Variants in VPS54 observed in about 807,000 individuals in gnomAD.
VPS54 encodes the protein vacuolar protein sorting-associated protein 54.
A neutral mutation model predicts 121.5 loss-of-function variants in VPS54; 45 were observed. The ratio of observed to expected loss-of-function variants is 0.37; its 90% CI spans 0.29 to 0.47. The LOEUF (loss-of-function observed/expected upper bound fraction) is 0.47, where lower values mean the gene tolerates loss of function less well. Ranked by LOEUF, VPS54 falls within the 20% of genes least tolerant of loss-of-function variation. The probability of loss-of-function intolerance (pLI) is 0.99; values close to 1 mark genes in which losing one functional copy is unlikely to be tolerated. For missense variants in VPS54, 1,090 were observed against 1,131.4 expected, an observed-to-expected ratio of 0.96 and a Z score of 0.52; for synonymous variants, 371 against 385.8, an observed-to-expected ratio of 0.96 and a Z score of 0.45.
At chr2:63,895,736 T>C (rs1273116143) in intron 22 of VPS54, among the ~76,000 whole-genome samples, 1 of 152,206 alleles carries the variant, frequency 6.6e-6, no homozygotes. Flanking sequence ...GGCTACAGGG[T>C]AGAGGTTAAT....
At chr2:64,016,155 A>T (rs1171149768) in intron 1 of VPS54, among the ~76,000 whole-genome samples, 1 of 152,174 alleles carries the variant, frequency 6.6e-6, no homozygotes, top group Non-Finnish European at 1.5e-5. Flanking sequence ...TTTCCCTGAT[A>T]TTCTAATATT....
intron 1 of VPS54, among the ~76,000 whole-genome samples, chr2:63,999,217 C>T (rs3980405): frequency 0.78 from 117,971 of 152,194 alleles, 47,157 homozygotes; most frequent in African/African-American, 0.89. Flanking sequence ...CCCAAAGTGC[C>T]AGGATTACCG....
intron 16 of VPS54, among the ~76,000 whole-genome samples, chr2:63,915,699 G>C (rs748711468): frequency 6.6e-6 from 1 of 152,170 alleles, no homozygotes; most frequent in African/African-American, 2.4e-5. Context: ...ATTACAGGAA[G>C]ACTGAAGAAA....
At chr2:63,933,525 T>C (rs1674311801) in intron 12 of VPS54, 148 bp downstream of exon 12, 1 of 696,510 alleles carries the variant, frequency 1.4e-6, no homozygotes, top group Non-Finnish European at 2.3e-6. Flanking sequence ...CATACATTTT[T>C]ATAGAGATAC....
intron 12 of VPS54, among the ~76,000 whole-genome samples, chr2:63,933,021 A>C (rs1336852447): frequency 6.6e-6 from 1 of 152,160 alleles, no homozygotes; most frequent in African/African-American, 2.4e-5. Context: ...ATATTAACAT[A>C]AGAGATAAAG....
In VPS54 at chr2:63,899,303, G is replaced by C. The variant is rs1029870244; in HGVS notation, c.2733+171C>G. 2.6e-4 allele frequency among the ~76,000 whole-genome samples: 39 copies of C among 152,208 alleles called. 1 individual carries two copies. Among genetic ancestry groups the C allele is most frequent in the Admixed American group, 2.4e-3 (36 of 15,290 alleles). On this transcript the variant is annotated intron_variant, in intron 21 of 22. Coordinates refer to ENST00000272322, the MANE Select transcript of VPS54 (RefSeq NM_016516.3). ...GGTCTGTCACTGCAAGGAGCACTTA[G>C]AAATTAGAAATTTTTATCCATGTTC...
At chr2:64,013,546 GAT>G (rs201322415) in intron 1 of VPS54, among the ~76,000 whole-genome samples, 5 of 145,492 alleles carry the variant, frequency 3.4e-5, no homozygotes, top group Admixed American at 6.9e-5. Context: ...AGTAAATGCT[GAT>G]ATATATATAT....
chr2:64,018,556 G>T (rs547007890), intron 1 of VPS54, among the ~76,000 whole-genome samples: 1 of 152,190 alleles, frequency 6.6e-6, no homozygotes, highest in East Asian at 1.9e-4. Flanking sequence ...GATTCCAGTA[G>T]AATCCAATAG....
chr2:63,898,617 C>A (rs1018194832), intron 21 of VPS54, among the ~76,000 whole-genome samples: 1 of 152,070 alleles, frequency 6.6e-6, no homozygotes, highest in Non-Finnish European at 1.5e-5. Context: ...ACCATTTCCA[C>A]GCACTCAACC....
intron 4 of VPS54, 96 bp from the exon 5 acceptor site, chr2:63,969,087 C>T (rs1444412974): frequency 4.1e-6 from 4 of 983,978 alleles, no homozygotes; most frequent in African/African-American, 1.7e-5. Flanking sequence ...TACTGGGTCA[C>T]ATCCAAATAA....
Position 63,920,029 on chromosome 2 carries a change from T to C in VPS54, c.2052-34A>G, listed in dbSNP as rs181147023. The stretch of plus-strand genomic sequence containing the variant: ...CAGTAAGGAGAAAAGAAGGTAAACT[T>C]TAACATTTCAATACCATCTTCCTTG... On this transcript the variant is annotated intron_variant, in intron 14 of 22. Coordinates refer to ENST00000272322, the MANE Select transcript of VPS54 (RefSeq NM_016516.3). The C allele has an allele frequency of 7.1e-6, 11 of 1,549,540 alleles. No individual in the cohort carries two copies. In the Admixed American group the frequency reaches 1.1e-4, roughly 15 times the overall value.
chr2:63,900,240 A>AG (rs1297845086), intron 20 of VPS54, among the ~76,000 whole-genome samples: 48 of 151,388 alleles, frequency 3.2e-4, no homozygotes, highest in African/African-American at 1.1e-3. Context: ...AAAAAAAAAA[A>AG]AAAAGAATGT....
chr2:63,966,032 C>T, intron 5 of VPS54, 66 bp from the exon 6 acceptor site: 3 of 1,468,208 alleles, frequency 2.0e-6, no homozygotes, highest in Non-Finnish European at 2.7e-6. Context: ...TCTCTTCTAA[C>T]ATCATGATCA....
intron 8 of VPS54, among the ~76,000 whole-genome samples, chr2:63,948,115 C>G (rs1675074243): frequency 6.6e-6 from 1 of 152,022 alleles, no homozygotes; most frequent in African/African-American, 2.4e-5. Flanking sequence ...ATAGGCCTGA[C>G]CCACTGCACC....
chr2:63,965,732 A>T (rs1675963083), intron 6 of VPS54, 103 bp downstream of exon 6: 10 of 1,487,358 alleles, frequency 6.7e-6, no homozygotes, highest in African/African-American at 1.4e-5. Flanking sequence ...AACAAAAATG[A>T]ATTTAAAAGT....
chr2:63,999,552 A>C (rs1677770426), intron 1 of VPS54, among the ~76,000 whole-genome samples: 1 of 152,014 alleles, frequency 6.6e-6, no homozygotes, highest in Non-Finnish European at 1.5e-5. Flanking sequence ...TTTATTATTA[A>C]ATGTCTCGAG....
intron 12 of VPS54, among the ~76,000 whole-genome samples, chr2:63,924,922 TGTA>T (rs1173787150): frequency 6.6e-6 from 1 of 152,202 alleles, no homozygotes; most frequent in Non-Finnish European, 1.5e-5. Flanking sequence ...CTAGATGGAT[TGTA>T]GGTCTTAATG....
At chr2:63,952,898 T>G (rs1010394894) in intron 7 of VPS54, among the ~76,000 whole-genome samples, 2 of 152,076 alleles carry the variant, frequency 1.3e-5, no homozygotes, top group Non-Finnish European at 2.9e-5. Context: ...AGAACATACA[T>G]TAACTGCCCT....
chr2:63,962,244 CTT>C lies in VPS54; in HGVS notation c.822_823del (p.Arg275ThrfsTer7). 6.2e-7 allele frequency: 1 copy of C among 1,614,020 alleles called. No individual in the cohort carries two copies. The highest frequency in any genetic ancestry group is 8.5e-7 in the Non-Finnish European group (1 of 1,179,918). ...ACAATTATTTCTGGTAAGTGCCAGT[CTT>C]AAAATGTGGAGTGATCCTTCACACA... is the stretch of plus-strand genomic sequence containing the variant. On this transcript the variant is annotated frameshift_variant, in exon 7 of 23. Coordinates refer to ENST00000272322, the MANE Select transcript of VPS54 (RefSeq NM_016516.3). LOFTEE classifies it high-confidence loss of function.
Sources: gnomAD v4.1 joint callset for allele counts (sites outside exome capture counted in the v4.1 genomes callset) on GRCh38, gnomAD v4.1.1 for gene constraint, MANE v1.5 for transcripts, NCBI Gene and HGNC (gene_info 2026-07-23, HGNC 2026-07-21) for gene names.